Variants in MZT1 observed in about 807,000 individuals in gnomAD.
MZT1 encodes the protein mitotic spindle organizing protein 1, also known as mitotic-spindle organizing protein 1.
MZT1 carries 8 observed loss-of-function variants against 8.5 expected under a neutral mutation model. The observed-to-expected ratio is 0.94, with a 90% CI of 0.55 to 1.70. The LOEUF (loss-of-function observed/expected upper bound fraction) is 1.70. Among genes scored for constraint, MZT1 ranks in the 40% most tolerant of loss-of-function variants. The probability of loss-of-function intolerance (pLI) is 0.00; values close to 1 mark genes in which losing one functional copy is unlikely to be tolerated. For synonymous variants in MZT1, 38 were observed against 42.0 expected (o/e 0.90, Z 0.37); for missense variants, 93 against 108.6 (o/e 0.86, Z 0.64).
chr13:72,718,501 A>G (rs2032559623), intron 2 of MZT1, among the ~76,000 whole-genome samples: 1 of 150,752 alleles, frequency 6.6e-6, no homozygotes. Context: ...TTTTAGACGG[A>G]GTCTCACTCT....
intron 2 of MZT1, among the ~76,000 whole-genome samples, chr13:72,717,959 T>G (rs966281871): frequency 5.9e-5 from 9 of 152,222 alleles, no homozygotes; most frequent in Non-Finnish European, 1.3e-4. Context: ...ATCCTCACTT[T>G]TAAGTATTTG....
At position 72,708,597 on chromosome 13, in the gene MZT1, T is replaced by C. The variant is rs4885028; in HGVS notation, c.*1725A>G. On this transcript the variant is annotated 3_prime_UTR_variant, in exon 3 of 3. Coordinates refer to ENST00000377818, the MANE Select transcript of MZT1 (RefSeq NM_001071775.3). ...TAATCTACAAAGTCATAAATAATACTATCAACTCTTATGGCCTGGAAGTAT... is the reference window on the plus strand; with the variant it reads ...TAATCTACAAAGTCATAAATAATACCATCAACTCTTATGGCCTGGAAGTAT... 0.88 allele frequency: 134,304 copies of C among 152,450 alleles called. 61,250 individuals carry two copies. Among genetic ancestry groups the C allele is most frequent in the Non-Finnish European group, 0.99 (67,152 of 67,998 alleles). 9.4% of individuals were successfully genotyped at this position (152,450 alleles called of 1,614,324 possible).
rs546529983 is a variant in MZT1 at position 72,719,276 on chromosome 13, T to A, written c.80-179A>T. On this transcript the variant is annotated intron_variant, in intron 1 of 2. Transcript: ENST00000377818. ...CTTTACTTAGTTTTAGAAACTTAAA[T>A]ATAAATATAAACTTACACCTTCCCT... Among the ~76,000 whole-genome samples, 3 of 151,558 alleles carry A rather than the reference T, an allele frequency of 2.0e-5. No homozygotes were observed. In the South Asian group the frequency reaches 6.2e-4, roughly 31 times the overall value.
At chr13:72,715,242 T>C (rs770098328) in intron 2 of MZT1, among the ~76,000 whole-genome samples, 29 of 152,208 alleles carry the variant, frequency 1.9e-4, no homozygotes, top group Non-Finnish European at 3.4e-4. Context: ...TTGGAACTTG[T>C]ATGGGGCCTG....
At position 72,727,553 on chromosome 13, in the gene MZT1, T is replaced by G; in HGVS notation, c.50A>C (p.Asn17Thr). The G allele has an allele frequency of 6.2e-7, 1 of 1,610,270 alleles. No individual in the cohort carries two copies. The change falls in exon 1 of 3, where the codon AAT becomes ACT. Residue 17 changes from asparagine to threonine, a missense_variant. By Grantham distance (65) the Asn-to-Thr change is moderately conservative. Coordinates refer to ENST00000377818, the MANE Select transcript of MZT1 (RefSeq NM_001071775.3). ...AGAAAAAAAA[N>T]LNAVRETMDV... The stretch of plus-strand genomic sequence containing the variant: ...CATGGTCTCCCGCACCGCATTCAGA[T>G]TCGCCGCCGCGGCCGCCGCCGCCGC...
At chr13:72,723,134 C>G (rs551084836) in intron 1 of MZT1, among the ~76,000 whole-genome samples, 39 of 152,148 alleles carry the variant, frequency 2.6e-4, no homozygotes, top group Non-Finnish European at 5.4e-4. Flanking sequence ...TAGACCCCCC[C>G]ACGTATAAAG....
At chr13:72,711,228 T>C (rs1389743805) in intron 2 of MZT1, among the ~76,000 whole-genome samples, 1 of 152,166 alleles carries the variant, frequency 6.6e-6, no homozygotes, top group Non-Finnish European at 1.5e-5. Flanking sequence ...TGCTTACACA[T>C]AAATCCTAGA....
At chr13:72,711,491 T>C (rs530043465) in intron 2 of MZT1, among the ~76,000 whole-genome samples, 1 of 152,058 alleles carries the variant, frequency 6.6e-6, no homozygotes, top group East Asian at 1.9e-4. Context: ...TTCTAAATAG[T>C]CAACCAAAGA....
At chr13:72,719,208 T>C (rs912869164) in intron 1 of MZT1, 111 bp from the exon 2 acceptor site, 5 of 842,510 alleles carry the variant, frequency 5.9e-6, no homozygotes, top group African/African-American at 5.3e-5. Context: ...GGAATTAGCA[T>C]AGCATCCCAG....
In MZT1 at chr13:72,710,007, T is replaced by A. The variant is rs1050649564; in HGVS notation, c.*315A>T. On this transcript the variant is annotated 3_prime_UTR_variant, in exon 3 of 3. Coordinates refer to ENST00000377818, the MANE Select transcript of MZT1 (RefSeq NM_001071775.3). ...CAACCTGGCACAGCAGATGTGCACA[T>A]CTGATAGACAGACTGCTTAGAAAAT... The A allele has an allele frequency of 6.1e-6, 2 of 326,914 alleles. No individual in the cohort carries two copies. Among genetic ancestry groups the A allele is most frequent in the African/African-American group, 4.3e-5 (2 of 46,138 alleles). The allele number at this position is 326,914 out of a possible 1,614,324, so 20.3% of individuals were successfully genotyped here. A position where few individuals can be genotyped will look rare whatever the true frequency, so the allele number is the denominator to read the frequency against.
At chr13:72,720,071 T>C (rs2032577847) in intron 1 of MZT1, among the ~76,000 whole-genome samples, 1 of 152,192 alleles carries the variant, frequency 6.6e-6, no homozygotes, top group Non-Finnish European at 1.5e-5. Flanking sequence ...CACTTTGAAG[T>C]TTATTTCCCA....
At chr13:72,727,334 G>A (rs2032683049) in intron 1 of MZT1, among the ~76,000 whole-genome samples, 190 bp downstream of exon 1, 1 of 152,214 alleles carries the variant, frequency 6.6e-6, no homozygotes, top group Non-Finnish European at 1.5e-5. Flanking sequence ...GACAAACTAC[G>A]CAGCGGCGGA....
chr13:72,720,589 C>T (rs1293135218), intron 1 of MZT1, among the ~76,000 whole-genome samples: 1 of 152,096 alleles, frequency 6.6e-6, no homozygotes. Flanking sequence ...TCACTTTCAT[C>T]CCTAGAAGTT....
At chr13:72,718,662 T>C (rs747741120) in intron 2 of MZT1, among the ~76,000 whole-genome samples, 6 of 151,906 alleles carry the variant, frequency 3.9e-5, no homozygotes, top group Non-Finnish European at 8.8e-5. Context: ...GTATTTTTAG[T>C]AGAGAATGGG....
At chr13:72,724,748 A>ATGTGTG (rs1301203268) in intron 1 of MZT1, among the ~76,000 whole-genome samples, 2,000 of 37,018 alleles carry the variant, frequency 0.054, 438 homozygotes, top group Non-Finnish European at 0.11. Context: ...ATACACATAT[A>ATGTGTG]TATATGTAAA....
At chr13:72,724,746 A>G (rs71451488) in intron 1 of MZT1, among the ~76,000 whole-genome samples, 6,230 of 36,774 alleles carry the variant, frequency 0.17, 1,348 homozygotes, top group East Asian at 0.38. Context: ...ATATACACAT[A>G]TATATATGTA....
intron 2 of MZT1, among the ~76,000 whole-genome samples, chr13:72,714,570 C>G (rs1048213130): frequency 3.9e-5 from 6 of 152,210 alleles, no homozygotes; most frequent in Non-Finnish European, 8.8e-5. Flanking sequence ...CCATTACAGG[C>G]CCTGAGAACT....
intron 1 of MZT1, among the ~76,000 whole-genome samples, chr13:72,723,330 A>G (rs1303896275): frequency 1.3e-5 from 2 of 152,176 alleles, no homozygotes; most frequent in Non-Finnish European, 2.9e-5. Context: ...ATCAAAAACT[A>G]TTTCTTTAGT....
chr13:72,724,739 TACAC>T (rs1247734434), intron 1 of MZT1, among the ~76,000 whole-genome samples: 19,997 of 40,588 alleles, frequency 0.49, 7,343 homozygotes, highest in Non-Finnish European at 0.74. Context: ...TATATATATA[TACAC>T]ATATATATAT....
Sources: gnomAD v4.1 joint callset for allele counts (sites outside exome capture counted in the v4.1 genomes callset) on GRCh38, gnomAD v4.1.1 for gene constraint, MANE v1.5 for transcripts, NCBI Gene and HGNC (gene_info 2026-07-23, HGNC 2026-07-21) for gene names.